Variants in GSG1L observed in about 807,000 individuals in gnomAD.
GSG1L encodes germ cell-specific gene 1-like protein.
Under a neutral mutation model 42.1 loss-of-function variants are expected in GSG1L, and 24 were observed. The ratio of observed to expected loss-of-function variants is 0.57; its 90% CI spans 0.41 to 0.80. GSG1L has a LOEUF of 0.80. Ranked by LOEUF, GSG1L falls within the 30% of genes least tolerant of loss-of-function variation. The pLI is 0.00. For missense variants in GSG1L, 445 were observed against 472.2 expected, an observed-to-expected ratio of 0.94 and a Z score of 0.53; for synonymous variants, 215 against 203.5, an observed-to-expected ratio of 1.06 and a Z score of -0.48.
At chr16:27,873,165 G>A (rs2083844041) in intron 3 of GSG1L, among the ~76,000 whole-genome samples, 1 of 152,166 alleles carries the variant, frequency 6.6e-6, no homozygotes, top group African/African-American at 2.4e-5. Flanking sequence ...TGAGCTATTG[G>A]TGCTATGATT....
chr16:27,906,006 T>C (rs1244831120), intron 2 of GSG1L, among the ~76,000 whole-genome samples: 1 of 152,260 alleles, frequency 6.6e-6, no homozygotes, highest in East Asian at 1.9e-4. Context: ...TTTGCCAATA[T>C]AAATGGCATT....
chr16:27,862,939 T>C (rs1359000655), intron 3 of GSG1L, among the ~76,000 whole-genome samples: 1 of 152,140 alleles, frequency 6.6e-6, no homozygotes, highest in Non-Finnish European at 1.5e-5. Flanking sequence ...GTTTTTTTTT[T>C]AGGGGAAATA....
intron 3 of GSG1L, among the ~76,000 whole-genome samples, chr16:27,879,781 TTTTA>T (rs1288616252): frequency 2.6e-5 from 4 of 151,684 alleles, no homozygotes; most frequent in South Asian, 2.1e-4. Flanking sequence ...ATTTGTATTA[TTTTA>T]TTTATTATTT....
chr16:27,815,817 CA>C (rs1337273390), intron 5 of GSG1L, among the ~76,000 whole-genome samples: 1 of 151,938 alleles, frequency 6.6e-6, no homozygotes, highest in East Asian at 1.9e-4. Flanking sequence ...AAAAACAAAA[CA>C]AAAAAAATTA....
chr16:27,943,045 T>C (rs1462304792), intron 2 of GSG1L, among the ~76,000 whole-genome samples: 3 of 151,968 alleles, frequency 2.0e-5, no homozygotes, highest in Non-Finnish European at 2.9e-5. Context: ...CAGAGTGGTT[T>C]TGTTTGTTTG....
chr16:27,891,604 C>T (rs1170465798), intron 2 of GSG1L, among the ~76,000 whole-genome samples: 1 of 152,086 alleles, frequency 6.6e-6, no homozygotes, highest in Non-Finnish European at 1.5e-5. Context: ...TCCCAAGTAG[C>T]TGGAACTACA....
At chr16:27,856,005 C>T (rs965921287) in intron 3 of GSG1L, among the ~76,000 whole-genome samples, 11 of 152,138 alleles carry the variant, frequency 7.2e-5, no homozygotes, top group African/African-American at 1.4e-4. Context: ...CACCCCTCTG[C>T]GGTGCTTAAG....
chr16:27,882,553 G>A (rs1445588421), intron 3 of GSG1L, among the ~76,000 whole-genome samples: 2 of 152,072 alleles, frequency 1.3e-5, no homozygotes, highest in East Asian at 1.9e-4. Flanking sequence ...GCTATGTGAA[G>A]TTCCCAGAAT....
intron 2 of GSG1L, among the ~76,000 whole-genome samples, chr16:27,906,587 A>G (rs1015807305): frequency 6.6e-6 from 1 of 152,058 alleles, no homozygotes; most frequent in Admixed American, 6.5e-5. Context: ...GCTCCCCCTG[A>G]AATGTTCTTT....
chr16:27,868,237 C>A (rs1311593491), intron 3 of GSG1L, among the ~76,000 whole-genome samples: 23 of 152,260 alleles, frequency 1.5e-4, no homozygotes, highest in Admixed American at 1.5e-3. Flanking sequence ...CAGGGGCCTG[C>A]CCCATCTGTC....
chr16:27,964,295 G>T lies in GSG1L; in HGVS notation c.350-1092C>A, dbSNP rs1258234939. On this transcript the variant is annotated intron_variant, in intron 1 of 6. Transcript: ENST00000447459. ...GCCAAGATCACACCACTGCACTCCA[G>T]CCTGGGCGACAGAGAGGGACTCTGT... Among the ~76,000 whole-genome samples, 5 of 149,642 alleles carry T rather than the reference G, an allele frequency of 3.3e-5. No individual in the cohort carries two copies. The East Asian group carries it at 9.9e-4, about 30-fold the overall frequency.
chr16:27,948,573 C>T (rs1229378136), intron 2 of GSG1L, among the ~76,000 whole-genome samples: 1 of 147,462 alleles, frequency 6.8e-6, no homozygotes, highest in Non-Finnish European at 1.5e-5. Context: ...GTGATTCCAC[C>T]ATGTTGGCCA....
chr16:27,972,976 G>T (rs762823007), intron 1 of GSG1L, among the ~76,000 whole-genome samples: 46 of 152,192 alleles, frequency 3.0e-4, no homozygotes, highest in Non-Finnish European at 5.7e-4. Flanking sequence ...GTGGTCAGGG[G>T]TCTGACTTCT....
intron 3 of GSG1L, chr16:27,863,305 A>C (rs994773681): frequency 6.6e-6 from 1 of 152,240 alleles, no homozygotes; most frequent in Non-Finnish European, 1.5e-5. Flanking sequence ...GAAGATTAGC[A>C]TGACCCCTAT....
chr16:27,917,713 A>G (rs74015151), intron 2 of GSG1L, among the ~76,000 whole-genome samples: 4,543 of 152,306 alleles, frequency 0.03, 236 homozygotes, highest in African/African-American at 0.1. Context: ...GCTGAATCTA[A>G]AATTTATATC....
intron 1 of GSG1L, among the ~76,000 whole-genome samples, chr16:28,032,500 C>T (rs1475021976): frequency 5.9e-5 from 9 of 152,248 alleles, no homozygotes; most frequent in Admixed American, 1.3e-4. Context: ...GCGGCTTCTC[C>T]GTTGATGTCT....
At chr16:27,839,534 C>G in intron 4 of GSG1L, among the ~76,000 whole-genome samples, 1 of 152,214 alleles carries the variant, frequency 6.6e-6, no homozygotes, top group Admixed American at 6.5e-5. Flanking sequence ...CAAGCAGGGG[C>G]CACAGACTCA....
chr16:28,019,164 G>A (rs948657008), intron 1 of GSG1L, among the ~76,000 whole-genome samples: 1 of 152,144 alleles, frequency 6.6e-6, no homozygotes, highest in African/African-American at 2.4e-5. Flanking sequence ...GGCATTCTAA[G>A]TCACAGGATG....
chr16:28,062,620 G>A (rs980616083), intron 1 of GSG1L, among the ~76,000 whole-genome samples: 8 of 152,194 alleles, frequency 5.3e-5, no homozygotes, highest in African/African-American at 1.9e-4. Flanking sequence ...CAGGAGGGGC[G>A]GCTGGTAGCA....
Sources: allele counts gnomAD v4.1 joint callset (sites outside exome capture counted in the v4.1 genomes callset), GRCh38; gene constraint gnomAD v4.1.1; transcripts MANE v1.5; gene names NCBI Gene and HGNC (gene_info 2026-07-23, HGNC 2026-07-21).